FAAP20: variants seen among roughly 807,000 people sequenced by gnomAD.
The protein encoded by FAAP20 is Fanconi anemia core complex-associated protein 20.
FAAP20 carries 12 observed loss-of-function variants against 16.2 expected under a neutral mutation model. The ratio of observed to expected loss-of-function variants is 0.74; its 90% CI spans 0.48 to 1.20. The LOEUF (loss-of-function observed/expected upper bound fraction) is 1.20, where lower values mean the gene tolerates loss of function less well. Among genes scored for constraint, FAAP20 ranks in the 50% most tolerant of loss-of-function variants. The pLI is 0.00. For missense variants in FAAP20, 288 were observed against 245.8 expected (o/e 1.17, Z -1.15); for synonymous variants, 141 against 110.7 (o/e 1.27, Z -1.72).
chr1:2,211,417 ATATATATATATATATATATTTTTTTTTT>A (rs1418100109), downstream of FAAP20, among the ~76,000 whole-genome samples: 1 of 15,742 alleles, frequency 6.4e-5, no homozygotes. Context: ...ATATATATAT[ATATATATATATATATATATTTTTTTTTT>A]TTTTTTTTTT....
downstream of FAAP20, chr1:2,184,828 G>A (rs532227319): frequency 9.6e-4 from 1,327 of 1,382,544 alleles, 2 homozygotes; most frequent in South Asian, 4.9e-3. Flanking sequence ...TCCAGTGGGC[G>A]TTGGGGGAGG....
downstream of FAAP20, chr1:2,184,502 G>C: frequency 1.0e-6 from 1 of 986,204 alleles, no homozygotes. Flanking sequence ...TTCATTTTGT[G>C]ATTGAAGTGC....
At chr1:2,195,305 G>C (rs1688764797), upstream of FAAP20, among the ~76,000 whole-genome samples, 1 of 151,936 alleles carries the variant, frequency 6.6e-6, no homozygotes, top group South Asian at 2.1e-4. Context: ...GGGGGCAGCT[G>C]AGGGGCTTTC....
chr1:2,204,943 G>GC (rs1488203793), intron 3 of FAAP20, among the ~76,000 whole-genome samples: 1 of 25,004 alleles, frequency 4.0e-5, no homozygotes, highest in African/African-American at 1.4e-4. Context: ...CCCATACCCC[G>GC]CCCCTCAAGC....
downstream of FAAP20, among the ~76,000 whole-genome samples, chr1:2,209,722 C>A (rs1360646264): frequency 2.0e-5 from 3 of 152,318 alleles, no homozygotes; most frequent in Middle Eastern, 3.4e-3. Flanking sequence ...TCGGCCACCC[C>A]ACTTTGTGCA....
At chr1:2,204,467 C>T (rs1689162154), upstream of FAAP20, among the ~76,000 whole-genome samples, 1 of 152,232 alleles carries the variant, frequency 6.6e-6, no homozygotes, top group South Asian at 2.1e-4. Context: ...ATTGGGAGGA[C>T]CAGGAAAAAG....
downstream of FAAP20, among the ~76,000 whole-genome samples, chr1:2,188,917 A>G (rs1687841886): frequency 6.6e-6 from 1 of 150,412 alleles, no homozygotes; most frequent in African/African-American, 2.4e-5. Flanking sequence ...AGGCAGGAGA[A>G]TGGCGTGAAC....
At chr1:2,208,784 C>T (rs1245021500), downstream of FAAP20, among the ~76,000 whole-genome samples, 1 of 152,240 alleles carries the variant, frequency 6.6e-6, no homozygotes, top group Non-Finnish European at 1.5e-5. Flanking sequence ...GAGAGCCCTC[C>T]CCTCAGCCAG....
intron 1 of FAAP20, 106 bp downstream of exon 1, chr1:2,194,582 G>A: frequency 1.9e-6 from 1 of 529,268 alleles, no homozygotes; most frequent in Non-Finnish European, 2.6e-6. Context: ...CCCGGGGGCA[G>A]GGAGCCCTCC....
downstream of FAAP20, among the ~76,000 whole-genome samples, chr1:2,189,251 A>C (rs1304452578): frequency 6.6e-6 from 1 of 150,770 alleles, no homozygotes; most frequent in East Asian, 2.0e-4. Context: ...GAGGATCATC[A>C]AGCCCAGGAG....
In FAAP20 at chr1:2,189,624, C is replaced by A; in HGVS notation, c.*85G>T. 9.6e-7 allele frequency: 1 copy of A among 1,045,760 alleles called. No homozygotes were observed. Among genetic ancestry groups the A allele is most frequent in the Non-Finnish European group, 1.4e-6 (1 of 723,102 alleles). 64.8% of individuals were successfully genotyped at this position (1,045,760 alleles called of 1,614,324 possible). On this transcript the variant is annotated 3_prime_UTR_variant, in exon 4 of 4. Coordinates refer to ENST00000378546, the MANE Select transcript of FAAP20 (RefSeq NM_182533.4). Reference sequence around the variant, plus strand: ...GCGGGGGAGCCGAGAGGCGGGGCTGCTGGCGGGGGAGCCGAGAGGCGGGGC... The same window carrying A: ...GCGGGGGAGCCGAGAGGCGGGGCTGATGGCGGGGGAGCCGAGAGGCGGGGC...
chr1:2,204,138 G>C (rs1689148041), upstream of FAAP20, among the ~76,000 whole-genome samples: 1 of 152,242 alleles, frequency 6.6e-6, no homozygotes, highest in Non-Finnish European at 1.5e-5. Flanking sequence ...GGCCTCCACA[G>C]ACCCTCACAG....
intron 3 of FAAP20, chr1:2,192,031 C>T: frequency 1.0e-6 from 1 of 985,578 alleles, no homozygotes; most frequent in Non-Finnish European, 1.2e-6. Flanking sequence ...CTGGCAGCTC[C>T]ACTCCCCAGA....
Position 2,194,695 on chromosome 1 carries a change from C to T in FAAP20, c.55G>A (p.Ala19Thr). ...LGLSRRRPRPAGGPSGGRPWF... is the reference protein window; with the variant it reads ...LGLSRRRPRPTGGPSGGRPWF... ...CCCGGCTCCCGGCCTCACCCGCCCG[C>T]CGGGCGCGGCCTCCGGCGGCTCAAC... is the stretch of plus-strand genomic sequence containing the variant. The change falls in exon 1 of 4, where the codon GCG (alanine) becomes ACG (threonine). Residue 19 changes from alanine to threonine, a missense_variant. By Grantham distance (58) the Ala-to-Thr change is moderately conservative. Transcript: ENST00000378546. 1.7e-6 allele frequency: 2 copies of T among 1,165,522 alleles called. No individual in the cohort carries two copies. The highest frequency in any genetic ancestry group is 2.1e-6 in the Non-Finnish European group (2 of 947,620). 72.2% of individuals were successfully genotyped at this position (1,165,522 alleles called of 1,614,324 possible).
downstream of FAAP20, chr1:2,207,630 G>T (rs1360987475): frequency 6.6e-6 from 1 of 152,270 alleles, no homozygotes; most frequent in African/African-American, 2.4e-5. Flanking sequence ...AGACGCGGCT[G>T]CAGGAGCAGC....
rs186751135 is a variant in FAAP20, at chr1:2,189,557, A to C, written c.*152T>G. ...AGAAAAGCGGCAGACGTTTCATCAC[A>C]ACACAGAGACAGACAGGAGCCCGCC... On this transcript the variant is annotated 3_prime_UTR_variant, in exon 4 of 4. Coordinates refer to ENST00000378546, the MANE Select transcript of FAAP20 (RefSeq NM_182533.4). 1.4e-3 allele frequency: 949 copies of C among 684,280 alleles called. 9 individuals carry two copies. The African/African-American group carries it at 0.014, about 10-fold the overall frequency. 42.4% of individuals were successfully genotyped at this position (684,280 alleles called of 1,614,324 possible). A position where few individuals can be genotyped will look rare whatever the true frequency, so the allele number is the denominator to read the frequency against.
chr1:2,191,429 CGT>C (rs1473777080), intron 3 of FAAP20: 2 of 152,400 alleles, frequency 1.3e-5, no homozygotes, highest in African/African-American at 4.8e-5. Flanking sequence ...CACCTGGCAG[CGT>C]GAGGGGCCTC....
upstream of FAAP20, among the ~76,000 whole-genome samples, chr1:2,196,427 A>T (rs1007477941): frequency 4.6e-5 from 7 of 150,974 alleles, no homozygotes; most frequent in Non-Finnish European, 4.4e-5. This position sits in a 1 kb window ranked among gnomAD's most constrained non-coding sequence, Gnocchi z 4.5. Flanking sequence ...GCATGGTGGC[A>T]TGTGCCTGTG....
At chr1:2,210,793 G>A (rs1689414330), downstream of FAAP20, among the ~76,000 whole-genome samples, 1 of 152,228 alleles carries the variant, frequency 6.6e-6, no homozygotes, top group African/African-American at 2.4e-5. Flanking sequence ...GTCACCAGTG[G>A]CCATCCAGCC....
Sources: allele counts gnomAD v4.1 joint callset (sites outside exome capture counted in the v4.1 genomes callset), GRCh38; gene constraint gnomAD v4.1.1; non-coding constraint Gnocchi (gnomAD v3.1); transcripts MANE v1.5; gene names NCBI Gene and HGNC (gene_info 2026-07-23, HGNC 2026-07-21).